The following VEGFD variants were observed in gnomAD, a reference collection of about 807,000 sequenced individuals.
The protein encoded by VEGFD is c-fos induced growth factor (vascular endothelial growth factor D).
Under a neutral mutation model 28.0 loss-of-function variants are expected in VEGFD, and 26 were observed. The ratio of observed to expected loss-of-function variants is 0.93; its 90% CI spans 0.68 to 1.29. The LOEUF is 1.29. Ranked by LOEUF, VEGFD falls within the 50% of genes most tolerant of loss-of-function variation. The probability of loss-of-function intolerance (pLI) is 0.00; values close to 1 mark genes in which losing one functional copy is unlikely to be tolerated. For missense variants in VEGFD, 294 were observed against 273.4 expected, an observed-to-expected ratio of 1.08 and a Z score of -0.53; for synonymous variants, 93 against 95.5, an observed-to-expected ratio of 0.97 and a Z score of 0.15.
chrX:15,378,580 T>C (rs1243717395), intron 1 of VEGFD, among the ~76,000 whole-genome samples: 3 of 111,757 alleles, frequency 2.7e-5, no homozygotes, highest in African/African-American at 9.8e-5. Context: ...AAAAAACTTG[T>C]ATTCTAGTAG....
At chrX:15,367,986 A>AAAAGAAGAAAGAAAG (rs1923191807) in intron 1 of VEGFD, among the ~76,000 whole-genome samples, 2 of 66,631 alleles carry the variant, frequency 3.0e-5, no homozygotes. Context: ...AAGAAAAAGA[A>AAAAGAAGAAAGAAAG]AAAGAAAGAA....
chrX:15,368,086 AGAAAG>A (rs1185942447), intron 1 of VEGFD, among the ~76,000 whole-genome samples: 2 of 103,774 alleles, frequency 1.9e-5, no homozygotes, highest in Non-Finnish European at 3.9e-5. Flanking sequence ...AAGAAAGAAA[AGAAAG>A]AAAGAAAGAA....
At chrX:15,367,789 T>C (rs1049085289) in intron 1 of VEGFD, among the ~76,000 whole-genome samples, 3 of 108,062 alleles carry the variant, frequency 2.8e-5, no homozygotes, top group African/African-American at 1.0e-4. Context: ...ACCCTGTCTC[T>C]ACTAAAAATA....
intron 1 of VEGFD, among the ~76,000 whole-genome samples, chrX:15,371,113 G>A (rs1923297917): frequency 8.9e-6 from 1 of 111,863 alleles, no homozygotes. Context: ...GGTCTAACAA[G>A]TTCCCAGGTG....
At chrX:15,371,288 T>C (rs1401851232) in intron 1 of VEGFD, among the ~76,000 whole-genome samples, 3 of 111,976 alleles carry the variant, frequency 2.7e-5, no homozygotes, top group Non-Finnish European at 5.6e-5. Context: ...CTAACTCTTC[T>C]CTCTCACATC....
In VEGFD at chrX:15,363,299, C is replaced by T. The variant is rs12011065; in HGVS notation, c.111G>A (p.Leu37=). 0.052 allele frequency: 62,883 copies of T among 1,207,667 alleles called. 1,893 individuals are homozygous for T. Among genetic ancestry groups the T allele is most frequent in the African/African-American group, 0.23 (12,903 of 56,796 alleles). ...CCCTGATCTGCTGTTCAGATCGTTC[C>T]AATGTGGACTGAGATGATCGCTTAA... ...GPVKRSSQST[L]ERSEQQIRAA... is the part of the protein sequence containing the mutation. Residue 37 remains leucine (L), a synonymous_variant, in exon 2 of 7, where the codon TTG becomes TTA. Coordinates refer to ENST00000297904, the MANE Select transcript of VEGFD (RefSeq NM_004469.5).
intron 3 of VEGFD, 33 bp downstream of exon 3, chrX:15,357,970 T>G: frequency 1.7e-6 from 2 of 1,173,149 alleles, no homozygotes; most frequent in Non-Finnish European, 2.3e-6. Context: ...CATCAGGGCT[T>G]TAGAGACGGC....
intron 1 of VEGFD, among the ~76,000 whole-genome samples, chrX:15,366,830 TC>T (rs1334260846): frequency 8.9e-6 from 1 of 112,520 alleles, no homozygotes; most frequent in East Asian, 2.8e-4. Flanking sequence ...CTAGCCCAGA[TC>T]CATAAGTCCT....
At chrX:15,362,004 G>A (rs1923026050) in intron 2 of VEGFD, among the ~76,000 whole-genome samples, 1 of 111,284 alleles carries the variant, frequency 9.0e-6, no homozygotes, top group African/African-American at 3.3e-5. Flanking sequence ...AAGTAGTTGG[G>A]ATTACAGGCA....
intron 1 of VEGFD, among the ~76,000 whole-genome samples, chrX:15,370,728 T>C (rs1923285482): frequency 8.9e-6 from 1 of 112,035 alleles, no homozygotes; most frequent in Non-Finnish European, 1.9e-5. Flanking sequence ...CTTGTTAAAA[T>C]GCAGATTCTG....
At chrX:15,375,016 T>C (rs1211689165) in intron 1 of VEGFD, among the ~76,000 whole-genome samples, 1 of 111,671 alleles carries the variant, frequency 9.0e-6, no homozygotes, top group African/African-American at 3.3e-5. Flanking sequence ...TTTCCTTTCT[T>C]TCCACACTTA....
chrX:15,357,892 G>A (rs898722688), intron 3 of VEGFD, 111 bp downstream of exon 3: 4 of 640,987 alleles, frequency 6.2e-6, no homozygotes, highest in East Asian at 3.4e-5. Flanking sequence ...GATTAAATGC[G>A]ATTATGCACA....
At chrX:15,378,096 T>C (rs760644546) in intron 1 of VEGFD, among the ~76,000 whole-genome samples, 5 of 112,087 alleles carry the variant, frequency 4.5e-5, no homozygotes, top group Non-Finnish European at 9.4e-5. Flanking sequence ...ATCAAGATGT[T>C]GAAGTTTTGT....
Position 15,363,294 on chromosome X carries a change from C to A in VEGFD, c.116G>T (p.Arg39Leu). 8.3e-7 allele frequency: 1 copy of A among 1,210,785 alleles called. No homozygotes were observed. Among genetic ancestry groups the A allele is most frequent in the Non-Finnish European group, 1.1e-6 (1 of 894,853 alleles). Residue 39 changes from arginine (R) to leucine (L), a missense_variant, in exon 2 of 7, where the codon CGA becomes CTA. Coordinates refer to ENST00000297904, the MANE Select transcript of VEGFD (RefSeq NM_004469.5). Reference protein sequence around the residue: ...VKRSSQSTLERSEQQIRAASS... With the variant: ...VKRSSQSTLELSEQQIRAASS... ...AGCAGCCCTGATCTGCTGTTCAGAT[C>A]GTTCCAATGTGGACTGAGATGATCG...
At chrX:15,370,753 G>C (rs773464537) in intron 1 of VEGFD, among the ~76,000 whole-genome samples, 29 of 111,313 alleles carry the variant, frequency 2.6e-4, no homozygotes, top group African/African-American at 9.4e-4. Flanking sequence ...AGTGGGTTTG[G>C]GGCAAGACAG....
At chrX:15,360,392 G>A (rs148446976) in intron 2 of VEGFD, among the ~76,000 whole-genome samples, 1,817 of 103,895 alleles carry the variant, frequency 0.017, 38 homozygotes, top group African/African-American at 0.062. Flanking sequence ...AGGCTGGAGT[G>A]CAGCGGCGCG....
At chrX:15,378,526 T>C (rs1167350839) in intron 1 of VEGFD, among the ~76,000 whole-genome samples, 1 of 111,736 alleles carries the variant, frequency 8.9e-6, no homozygotes, top group Non-Finnish European at 1.9e-5. Flanking sequence ...TCACTGGTGA[T>C]TGGGATGCTG....
At chrX:15,371,680 T>A (rs747159657) in intron 1 of VEGFD, among the ~76,000 whole-genome samples, 1 of 112,299 alleles carries the variant, frequency 8.9e-6, no homozygotes, top group African/African-American at 3.2e-5. Flanking sequence ...TGCTACAGTA[T>A]GAAATTGGTA....
intron 6 of VEGFD, among the ~76,000 whole-genome samples, chrX:15,346,501 AAC>A (rs1922552362): frequency 8.9e-6 from 1 of 112,308 alleles, no homozygotes; most frequent in South Asian, 3.7e-4. Context: ...TAAAGAAAAA[AAC>A]AAACATATAT....
Sources: gnomAD v4.1 joint callset for allele counts (sites outside exome capture counted in the v4.1 genomes callset) on GRCh38, gnomAD v4.1.1 for gene constraint, MANE v1.5 for transcripts, NCBI Gene and HGNC (gene_info 2026-07-23, HGNC 2026-07-21) for gene names.